The following CAPN8 variants were observed in gnomAD, a reference collection of about 807,000 sequenced individuals.
CAPN8 encodes calpain 8, also known as calpain-8.
Under a neutral mutation model 80.9 loss-of-function variants are expected in CAPN8, and 87 were observed. The ratio of observed to expected loss-of-function variants is 1.07; its 90% CI spans 0.90 to 1.28. The LOEUF (loss-of-function observed/expected upper bound fraction) is 1.28, where lower values mean the gene tolerates loss of function less well. Among genes scored for constraint, CAPN8 ranks in the 50% most tolerant of loss-of-function variants. The pLI is 0.00. For synonymous variants in CAPN8, 299 were observed against 273.8 expected (o/e 1.09, Z -0.91); for missense variants, 757 against 702.0 (o/e 1.08, Z -0.89).
rs2102686526 is a variant in CAPN8, at chr1:223,545,220, A to G, written c.1833+11T>C. On this transcript the variant is annotated intron_variant, in intron 17 of 20. Transcript: ENST00000366872. ...CAGAGGAGAGGATGCCCAGAAGGAA[A>G]AGAGAGTTACCAGATACTTCTGAAT... is the stretch of plus-strand genomic sequence containing the variant. 6.4e-7 allele frequency: 1 copy of G among 1,551,660 alleles called. No individual in the cohort carries two copies. The highest frequency in any genetic ancestry group is 2.4e-5 in the East Asian group (1 of 40,924).
At chr1:223,625,914 G>A in intron 5 of CAPN8, 26 bp from the exon 6 acceptor site, 1 of 1,541,038 alleles carries the variant, frequency 6.5e-7, no homozygotes, top group East Asian at 2.5e-5. Context: ...AGTCCACTCA[G>A]TGGCTGACCC....
chr1:223,629,228 G>A (rs1022795212), intron 2 of CAPN8, among the ~76,000 whole-genome samples: 1 of 150,282 alleles, frequency 6.7e-6, no homozygotes, highest in African/African-American at 2.5e-5. Context: ...GTGTGTGTGT[G>A]TGTTTATGTT....
Position 223,628,160 on chromosome 1 carries a change from A to G in CAPN8, c.427-18T>C, listed in dbSNP as rs1031780303. The G allele has an allele frequency of 3.9e-6, 6 of 1,532,578 alleles. No individual in the cohort carries two copies. The highest frequency in any genetic ancestry group is 5.3e-6 in the Non-Finnish European group (6 of 1,135,706). 94.9% of individuals were successfully genotyped at this position (1,532,578 alleles called of 1,614,324 possible). A position where few individuals can be genotyped will look rare whatever the true frequency, so the allele number is the denominator to read the frequency against. On this transcript the variant is annotated intron_variant, in intron 3 of 20. Coordinates refer to ENST00000366872, the MANE Select transcript of CAPN8 (RefSeq NM_001143962.2). Reference sequence around the variant, plus strand: ...TGCCAGAACTGGGGAGGGGGGACACAGCGGCTGCTCACATGAATAAGCAGA... The same window carrying G: ...TGCCAGAACTGGGGAGGGGGGACACGGCGGCTGCTCACATGAATAAGCAGA...
chr1:223,665,283 G>C, intron 1 of CAPN8, 127 bp downstream of exon 1: 1 of 710,028 alleles, frequency 1.4e-6, no homozygotes, highest in Non-Finnish European at 2.3e-6. Context: ...GGTGGTGGTG[G>C]AGGGATCTGA....
At chr1:223,633,707 T>C (rs1657837942) in intron 2 of CAPN8, among the ~76,000 whole-genome samples, 1 of 152,190 alleles carries the variant, frequency 6.6e-6, no homozygotes, top group Admixed American at 6.5e-5. Context: ...ATAATAATCC[T>C]GAATCAGACA....
intron 1 of CAPN8, among the ~76,000 whole-genome samples, chr1:223,656,633 A>G: frequency 6.7e-6 from 1 of 148,610 alleles, no homozygotes; most frequent in Non-Finnish European, 1.5e-5. Context: ...GTCTTCTGAT[A>G]TGAAAGCATA....
In CAPN8 at chr1:223,633,935, C is replaced by A. The variant is rs542743897; in HGVS notation, c.308-5155G>T. Among the ~76,000 whole-genome samples, 48 of 152,278 alleles carry A rather than the reference C, an allele frequency of 3.2e-4. 2 individuals carry two copies. The South Asian group carries it at 9.7e-3, about 31-fold the overall frequency. ...AAGAAGAAAGGTCAGACATCAGAAA[C>A]CCTACAGTAGCCCCTACATTACCTT... On this transcript the variant is annotated intron_variant, in intron 2 of 20. Transcript: ENST00000366872.
At chr1:223,546,598 C>T (rs537444494) in intron 16 of CAPN8, among the ~76,000 whole-genome samples, 4 of 152,152 alleles carry the variant, frequency 2.6e-5, no homozygotes, top group African/African-American at 4.8e-5. Flanking sequence ...AGCTAACACT[C>T]GGGGCTAGGT....
At position 223,541,867 on chromosome 1, in the gene CAPN8, G is replaced by A; in HGVS notation, c.2089-8C>T. The stretch of plus-strand genomic sequence containing the variant: ...CAACACGCAGCACAGCCACTGCAAA[G>A]GAAAGGGACAAGATTGAGTCTTGGC... On this transcript the variant is annotated splice_region_variant and splice_polypyrimidine_tract_variant and intron_variant, in intron 20 of 20. Transcript: ENST00000366872. The A allele has an allele frequency of 6.5e-7, 1 of 1,528,992 alleles. No individual in the cohort carries two copies. Among genetic ancestry groups the A allele is most frequent in the Non-Finnish European group, 8.8e-7 (1 of 1,140,508 alleles). The allele number at this position is 1,528,992 out of a possible 1,614,324, so 94.7% of individuals were successfully genotyped here.
intron 2 of CAPN8, among the ~76,000 whole-genome samples, chr1:223,646,003 G>C (rs1658180786): frequency 6.6e-6 from 1 of 152,164 alleles, no homozygotes; most frequent in Non-Finnish European, 1.5e-5. Flanking sequence ...TTTACGAGGT[G>C]ACTATGGGGG....
intron 13 of CAPN8, among the ~76,000 whole-genome samples, chr1:223,554,496 T>A (rs1319500896): frequency 6.6e-6 from 1 of 152,120 alleles, no homozygotes; most frequent in Non-Finnish European, 1.5e-5. Context: ...GGTGCACGCC[T>A]GTAGTCCCAT....
At chr1:223,620,702 A>ATATGC (rs2102706150) in intron 7 of CAPN8, among the ~76,000 whole-genome samples, 1 of 152,252 alleles carries the variant, frequency 6.6e-6, no homozygotes, top group East Asian at 1.9e-4. Context: ...TCTAGGGTGA[A>ATATGC]TATGCTGACA....
intron 1 of CAPN8, among the ~76,000 whole-genome samples, chr1:223,656,250 C>T (rs1658485422): frequency 6.6e-6 from 1 of 151,982 alleles, no homozygotes; most frequent in African/African-American, 2.4e-5. Flanking sequence ...GGGCGGATCA[C>T]CTGAGGTCAG....
chr1:223,642,676 G>A (rs1658076462), intron 2 of CAPN8: 1 of 397,416 alleles, frequency 2.5e-6, no homozygotes, highest in South Asian at 1.9e-5. Flanking sequence ...AGCCATTTTT[G>A]CCTTACCTTC....
At chr1:223,631,228 C>T (rs1657764714) in intron 2 of CAPN8, among the ~76,000 whole-genome samples, 1 of 152,058 alleles carries the variant, frequency 6.6e-6, no homozygotes. Flanking sequence ...TCTCTGATAC[C>T]GCCTACCCTC....
At chr1:223,655,664 A>G (rs1443478013) in intron 1 of CAPN8, among the ~76,000 whole-genome samples, 1 of 152,236 alleles carries the variant, frequency 6.6e-6, no homozygotes, top group African/African-American at 2.4e-5. Flanking sequence ...GAGAAAAAAC[A>G]CAAAGAGAGA....
chr1:223,648,109 G>C (rs546904144), intron 2 of CAPN8, among the ~76,000 whole-genome samples: 1 of 152,202 alleles, frequency 6.6e-6, no homozygotes, highest in South Asian at 2.1e-4. Context: ...AAGTGGAAGG[G>C]GTTGTCCTGG....
At chr1:223,617,664 A>G (rs1657241559) in intron 9 of CAPN8, 1 of 152,088 alleles carries the variant, frequency 6.6e-6, no homozygotes, top group South Asian at 2.1e-4. Context: ...TTTTTTGTTT[A>G]CTCCTTAACA....
chr1:223,661,696 C>A (rs966495910), intron 1 of CAPN8, among the ~76,000 whole-genome samples: 1 of 152,052 alleles, frequency 6.6e-6, no homozygotes, highest in African/African-American at 2.4e-5. Flanking sequence ...GAAATAGGAA[C>A]CCTGTGCACT....
Sources: gnomAD v4.1 joint callset for allele counts (sites outside exome capture counted in the v4.1 genomes callset) on GRCh38, gnomAD v4.1.1 for gene constraint, MANE v1.5 for transcripts, NCBI Gene and HGNC (gene_info 2026-07-23, HGNC 2026-07-21) for gene names.